Variants in CRTAC1 observed in about 807,000 individuals in gnomAD.
CRTAC1 encodes cartilage acidic protein 1.
In CRTAC1, 37 loss-of-function variants were observed where a neutral mutation model predicts 67.8. The ratio of observed to expected loss-of-function variants is 0.55; its 90% CI spans 0.42 to 0.72. The LOEUF (loss-of-function observed/expected upper bound fraction) is 0.72, where lower values mean the gene tolerates loss of function less well. Among genes scored for constraint, CRTAC1 ranks in the 30% least tolerant of loss-of-function variants. The pLI, the probability that CRTAC1 is intolerant of heterozygous loss-of-function variation, is 0.00. For missense variants in CRTAC1, 780 were observed against 931.6 expected (o/e 0.84, Z 2.12); for synonymous variants, 348 against 371.0 (o/e 0.94, Z 0.71).
chr10:97,925,427 G>A (rs968694134), intron 3 of CRTAC1, among the ~76,000 whole-genome samples: 5 of 151,852 alleles, frequency 3.3e-5, no homozygotes, highest in African/African-American at 9.7e-5. Context: ...GTGAGTACAC[G>A]AGAGTAAGAG....
At chr10:98,002,069 C>T (rs1203311791) in intron 2 of CRTAC1, among the ~76,000 whole-genome samples, 2 of 152,182 alleles carry the variant, frequency 1.3e-5, no homozygotes, top group Non-Finnish European at 2.9e-5. Context: ...TAGGCCTGGG[C>T]CTCTGCAGCC....
intron 2 of CRTAC1, among the ~76,000 whole-genome samples, chr10:97,972,371 A>G (rs955360447): frequency 6.6e-6 from 1 of 152,140 alleles, no homozygotes; most frequent in Non-Finnish European, 1.5e-5. Flanking sequence ...TCACAGGCAA[A>G]TGCCTGAATG....
intron 8 of CRTAC1, among the ~76,000 whole-genome samples, chr10:97,898,314 G>A (rs1167902271): frequency 2.6e-5 from 4 of 152,228 alleles, no homozygotes; most frequent in Admixed American, 2.0e-4. Flanking sequence ...GGGAGAGTGG[G>A]TCATGGGGAG....
At chr10:97,888,365 A>G (rs2050316733) in intron 11 of CRTAC1, among the ~76,000 whole-genome samples, 1 of 152,224 alleles carries the variant, frequency 6.6e-6, no homozygotes, top group Admixed American at 6.5e-5. Context: ...GGAGCGTTCC[A>G]GGGAGAGGAT....
chr10:97,900,917 T>C (rs2050528757), intron 8 of CRTAC1, among the ~76,000 whole-genome samples: 2 of 135,736 alleles, frequency 1.5e-5, no homozygotes, highest in African/African-American at 6.0e-5. Context: ...GTGGTAGTGA[T>C]TGGACCCTGT....
At chr10:97,960,026 T>C (rs1375884775) in intron 2 of CRTAC1, among the ~76,000 whole-genome samples, 1 of 152,220 alleles carries the variant, frequency 6.6e-6, no homozygotes, top group East Asian at 1.9e-4. Flanking sequence ...AATTACCGTC[T>C]CCCAGAAAGA....
chr10:97,986,444 C>T (rs1299740516), intron 2 of CRTAC1, among the ~76,000 whole-genome samples: 3 of 152,178 alleles, frequency 2.0e-5, no homozygotes, highest in African/African-American at 4.8e-5. Flanking sequence ...TACTTTCCAA[C>T]GTTAAGATGT....
At chr10:97,927,983 G>A (rs1176536004) in intron 3 of CRTAC1, among the ~76,000 whole-genome samples, 1 of 152,238 alleles carries the variant, frequency 6.6e-6, no homozygotes, top group Non-Finnish European at 1.5e-5. Context: ...GAGGGTGGGG[G>A]CAGCTGCTCG....
At chr10:97,906,780 C>T (rs938697757) in intron 6 of CRTAC1, among the ~76,000 whole-genome samples, 9 of 152,146 alleles carry the variant, frequency 5.9e-5, no homozygotes, top group Non-Finnish European at 8.8e-5. Context: ...GGTGTGCATT[C>T]TGGGCCAGTA....
intron 3 of CRTAC1, among the ~76,000 whole-genome samples, chr10:97,926,835 G>A (rs966645257): frequency 3.9e-5 from 6 of 152,192 alleles, no homozygotes; most frequent in Non-Finnish European, 7.3e-5. Flanking sequence ...TGGAGGCAGT[G>A]GCAGGCTTGC....
At chr10:97,949,967 G>A (rs2051325123) in intron 2 of CRTAC1, among the ~76,000 whole-genome samples, 1 of 152,128 alleles carries the variant, frequency 6.6e-6, no homozygotes, top group Admixed American at 6.6e-5. Context: ...ACACATAATG[G>A]GAGCTCAAAA....
At chr10:97,918,266 T>G (rs2050787456) in intron 4 of CRTAC1, among the ~76,000 whole-genome samples, 1 of 152,262 alleles carries the variant, frequency 6.6e-6, no homozygotes, top group Admixed American at 6.5e-5. Context: ...CACTTCTGTC[T>G]TTATAACACT....
At chr10:97,953,871 T>G (rs769900084) in intron 2 of CRTAC1, among the ~76,000 whole-genome samples, 5 of 152,238 alleles carry the variant, frequency 3.3e-5, no homozygotes, top group African/African-American at 4.8e-5. Context: ...TTGGCAAAGC[T>G]TGCTCTAAAT....
intron 2 of CRTAC1, among the ~76,000 whole-genome samples, chr10:97,990,880 G>A (rs541865484): frequency 2.6e-5 from 4 of 152,186 alleles, no homozygotes; most frequent in South Asian, 2.1e-4. Flanking sequence ...CTTATTTTAC[G>A]TTGCATGTCT....
intron 3 of CRTAC1, among the ~76,000 whole-genome samples, chr10:97,929,137 C>T (rs2050965798): frequency 6.6e-6 from 1 of 151,914 alleles, no homozygotes; most frequent in South Asian, 2.1e-4. Context: ...GGACACTGAG[C>T]TTACTGGGGG....
At chr10:98,005,330 C>T (rs1842769998) in intron 2 of CRTAC1, among the ~76,000 whole-genome samples, 4 of 150,626 alleles carry the variant, frequency 2.7e-5, no homozygotes, top group South Asian at 4.2e-4. Flanking sequence ...GTCTCGAACT[C>T]CTGACCTCAG....
At chr10:97,997,451 CAAAAAAAAAAAAA>C (rs746635057) in intron 2 of CRTAC1, among the ~76,000 whole-genome samples, 3 of 48,234 alleles carry the variant, frequency 6.2e-5, no homozygotes, top group Admixed American at 2.4e-4. Context: ...GACTCTGTCT[CAAAAAAAAAAAAA>C]AAAAAAAAAA....
At chr10:97,867,491 A>G (rs1042294663) in intron 14 of CRTAC1, 1 of 152,274 alleles carries the variant, frequency 6.6e-6, no homozygotes, top group Non-Finnish European at 1.5e-5. Context: ...CCCAGAGACC[A>G]GAGAGAGTCA....
At chr10:97,924,334 C>T (rs112155800) in intron 3 of CRTAC1, among the ~76,000 whole-genome samples, 3,890 of 152,252 alleles carry the variant, frequency 0.026, 153 homozygotes, top group African/African-American at 0.087. Flanking sequence ...CGTTCTACCC[C>T]CTGGGCTGGA....
Sources: allele counts gnomAD v4.1 joint callset (sites outside exome capture counted in the v4.1 genomes callset), GRCh38; gene constraint gnomAD v4.1.1; transcripts MANE v1.5; gene names NCBI Gene and HGNC (gene_info 2026-07-23, HGNC 2026-07-21).